The following PRKD1 variants were observed in gnomAD, a reference collection of about 807,000 sequenced individuals.
PRKD1 encodes serine/threonine-protein kinase D1.
Under a neutral mutation model 95.9 loss-of-function variants are expected in PRKD1, and 63 were observed. The observed-to-expected ratio is 0.66, with a 90% CI of 0.54 to 0.81. PRKD1 has a LOEUF of 0.81. Ranked by LOEUF, PRKD1 falls within the 30% of genes least tolerant of loss-of-function variation. The pLI, the probability that PRKD1 is intolerant of heterozygous loss-of-function variation, is 0.00. For missense variants in PRKD1, 1,048 were observed against 1,165.3 expected, an observed-to-expected ratio of 0.90 and a Z score of 1.47; for synonymous variants, 425 against 423.1, an observed-to-expected ratio of 1.00 and a Z score of -0.05.
intron 7 of PRKD1, 112 bp from the exon 8 acceptor site, chr14:29,634,653 T>C (rs111591984): frequency 2.9e-6 from 4 of 1,391,188 alleles, no homozygotes; most frequent in Non-Finnish European, 4.0e-6. Context: ...AAAATTCACA[T>C]CTCATGTTTA....
intron 1 of PRKD1, among the ~76,000 whole-genome samples, chr14:29,880,485 T>C (rs1303793040): frequency 2.6e-5 from 4 of 152,084 alleles, no homozygotes; most frequent in Admixed American, 2.0e-4. Flanking sequence ...ATGAGCAAAC[T>C]TGGAGGGCCC....
chr14:29,898,124 T>C (rs1288240340), intron 1 of PRKD1, among the ~76,000 whole-genome samples: 1 of 152,166 alleles, frequency 6.6e-6, no homozygotes, highest in Non-Finnish European at 1.5e-5. Flanking sequence ...ATTTTTATAC[T>C]GTTTTTGCTT....
At chr14:29,589,535 T>C (rs1893052884) in intron 16 of PRKD1, among the ~76,000 whole-genome samples, 1 of 152,164 alleles carries the variant, frequency 6.6e-6, no homozygotes, top group Admixed American at 6.5e-5. Context: ...TGACTTAAGA[T>C]TGCATCTTCA....
intron 16 of PRKD1, among the ~76,000 whole-genome samples, chr14:29,590,055 A>G (rs1893076545): frequency 6.6e-6 from 1 of 152,204 alleles, no homozygotes; most frequent in South Asian, 2.1e-4. Context: ...ATAAGTATAT[A>G]AAGTGAGACT....
intron 1 of PRKD1, among the ~76,000 whole-genome samples, chr14:29,812,927 G>A (rs1890550151): frequency 1.3e-5 from 2 of 152,150 alleles, no homozygotes; most frequent in Admixed American, 1.3e-4. Flanking sequence ...GGCCTACATG[G>A]CGAAACCCTA....
At chr14:29,626,682 T>C (rs1879648015) in intron 11 of PRKD1, 126 bp from the exon 12 acceptor site, 1 of 423,106 alleles carries the variant, frequency 2.4e-6, no homozygotes, top group Non-Finnish European at 3.7e-6. Flanking sequence ...AAATGCTAGA[T>C]GAAATCTGAG....
At chr14:29,681,034 C>T (rs894610142) in intron 2 of PRKD1, among the ~76,000 whole-genome samples, 4 of 151,896 alleles carry the variant, frequency 2.6e-5, no homozygotes, top group Non-Finnish European at 4.4e-5. Flanking sequence ...TAAAAGGGAG[C>T]GAAGGAGCAG....
chr14:29,692,650 A>G (rs144029668), intron 2 of PRKD1, among the ~76,000 whole-genome samples: 1 of 152,218 alleles, frequency 6.6e-6, no homozygotes, highest in African/African-American at 2.4e-5. Context: ...AGGAAACATT[A>G]TGTACCCATT....
At chr14:29,686,660 C>T (rs929436083) in intron 2 of PRKD1, among the ~76,000 whole-genome samples, 1 of 152,138 alleles carries the variant, frequency 6.6e-6, no homozygotes, top group East Asian at 1.9e-4. Flanking sequence ...CTCTACTAGC[C>T]CCCTACCAGG....
At chr14:29,757,356 G>A (rs45581638) in intron 1 of PRKD1, among the ~76,000 whole-genome samples, 33,933 of 152,038 alleles carry the variant, frequency 0.22, 4,008 homozygotes, top group African/African-American at 0.27. Flanking sequence ...CAAGGTGCCA[G>A]GGAAGCACAG....
At chr14:29,644,317 T>A (rs1880986054) in intron 4 of PRKD1, among the ~76,000 whole-genome samples, 1 of 152,202 alleles carries the variant, frequency 6.6e-6, no homozygotes. Context: ...TGAAAATCTG[T>A]GCAGAACTCT....
chr14:29,592,442 T>C (rs1234297319), intron 16 of PRKD1, among the ~76,000 whole-genome samples: 5 of 152,226 alleles, frequency 3.3e-5, no homozygotes, highest in Admixed American at 3.3e-4. Flanking sequence ...ATATTGCTTA[T>C]AATGTATTTT....
intron 8 of PRKD1, 54 bp downstream of exon 8, chr14:29,634,364 C>G (rs1459393975): frequency 5.6e-6 from 9 of 1,612,334 alleles, no homozygotes; most frequent in Non-Finnish European, 7.6e-6. Flanking sequence ...ACATTAGCAA[C>G]TCCTCTAATT....
intron 16 of PRKD1, among the ~76,000 whole-genome samples, chr14:29,586,378 G>A (rs928014955): frequency 6.6e-6 from 1 of 152,090 alleles, no homozygotes; most frequent in Non-Finnish European, 1.5e-5. Context: ...GGGCCATGCT[G>A]GTAAAATAAC....
intron 2 of PRKD1, among the ~76,000 whole-genome samples, chr14:29,710,529 C>T (rs1885288922): frequency 6.6e-6 from 1 of 152,004 alleles, no homozygotes; most frequent in Non-Finnish European, 1.5e-5. Context: ...TGGTTAAGTC[C>T]ATGAAAAACG....
At position 29,927,351 on chromosome 14, in the gene PRKD1, C is replaced by A; in HGVS notation, c.162G>T (p.Gln54His). The A allele has an allele frequency of 6.4e-7, 1 of 1,567,210 alleles. No homozygotes were observed. ...GCACCGGCTCACGGCTCAGGCCGAT[C>A]TGCAGATGGAACGAGATGCCCCCGA... is the stretch of plus-strand genomic sequence containing the variant. The part of the protein sequence containing the change: ...APVGGISFHL[Q>H]IGLSREPVLL... Residue 54 changes from glutamine to histidine, a missense_variant, in exon 1 of 18, where the codon CAG becomes CAT. Transcript: ENST00000331968.
intron 1 of PRKD1, among the ~76,000 whole-genome samples, chr14:29,922,774 C>T (rs1349542623): frequency 4.6e-5 from 7 of 152,042 alleles, no homozygotes; most frequent in Non-Finnish European, 1.0e-4. Flanking sequence ...TAGTCCCAAA[C>T]ACTTGGGACG....
chr14:29,920,044 GGAAGGAAGGAAGGAAGGAAGGAAA>G (rs1368666581), intron 1 of PRKD1, among the ~76,000 whole-genome samples: 1,937 of 138,042 alleles, frequency 0.014, 57 homozygotes, highest in African/African-American at 0.053. Flanking sequence ...AAGGAAGGAA[GGAAGGAAGGAAGGAAGGAAGGAAA>G]GAAGGAAGGA....
intron 2 of PRKD1, among the ~76,000 whole-genome samples, chr14:29,693,659 A>G (rs1284131432): frequency 6.6e-6 from 1 of 151,188 alleles, no homozygotes; most frequent in Non-Finnish European, 1.5e-5. Context: ...AACAAAAAAA[A>G]AAAACCAACA....
Sources: allele counts gnomAD v4.1 joint callset (sites outside exome capture counted in the v4.1 genomes callset), GRCh38; gene constraint gnomAD v4.1.1; transcripts MANE v1.5; gene names NCBI Gene and HGNC (gene_info 2026-07-23, HGNC 2026-07-21).